The following COLGALT2 variants were observed in gnomAD, a reference collection of about 807,000 sequenced individuals.
COLGALT2 encodes procollagen galactosyltransferase 2.
COLGALT2 carries 49 observed loss-of-function variants against 73.4 expected under a neutral mutation model. The ratio of observed to expected loss-of-function variants is 0.67; its 90% confidence interval spans 0.53 to 0.85. The LOEUF (loss-of-function observed/expected upper bound fraction) is 0.85. Among genes scored for constraint, COLGALT2 ranks in the 40% least tolerant of loss-of-function variants. COLGALT2 has a pLI of 0.00. For missense variants in COLGALT2, 722 were observed against 790.2 expected (o/e 0.91, Z 1.03); for synonymous variants, 295 against 307.6 (o/e 0.96, Z 0.43).
chr1:183,935,944 G>A lies in COLGALT2; in HGVS notation c.*2817C>T. Reference sequence around the variant, plus strand: ...AGACAGATGATGCAGGGGAACGGGTGTCCACTCTTTCTTGTTCTCAGAGCT... The same window carrying A: ...AGACAGATGATGCAGGGGAACGGGTATCCACTCTTTCTTGTTCTCAGAGCT... On this transcript the variant is annotated 3_prime_UTR_variant, in exon 12 of 12. Coordinates refer to ENST00000361927, the MANE Select transcript of COLGALT2 (RefSeq NM_015101.4). 1.0e-6 allele frequency: 1 copy of A among 985,460 alleles called. No individual in the cohort carries two copies. The highest frequency in any genetic ancestry group is 1.2e-6 in the Non-Finnish European group (1 of 829,958). The allele number at this position is 985,460 out of a possible 1,614,324, so 61.0% of individuals were successfully genotyped here. A position where few individuals can be genotyped will look rare whatever the true frequency, so the allele number is the denominator to read the frequency against.
intron 1 of COLGALT2, among the ~76,000 whole-genome samples, chr1:183,997,005 G>C (rs1274771529): frequency 2.0e-5 from 3 of 152,166 alleles, no homozygotes; most frequent in East Asian, 1.9e-4. Context: ...ATGGACAAAT[G>C]AATAAATGAA....
intron 1 of COLGALT2, among the ~76,000 whole-genome samples, chr1:184,002,850 C>G (rs1301597912): frequency 6.6e-6 from 1 of 151,932 alleles, no homozygotes; most frequent in Non-Finnish European, 1.5e-5. Flanking sequence ...ATTTTTTTAA[C>G]CCAGCAATAC....
chr1:183,993,790 C>T (rs1407302570), intron 1 of COLGALT2, among the ~76,000 whole-genome samples: 1 of 150,614 alleles, frequency 6.6e-6, no homozygotes, highest in Non-Finnish European at 1.5e-5. Context: ...GAACATGTCG[C>T]TGTTAAAATT....
chr1:183,956,411 G>T (rs1286851849), intron 6 of COLGALT2, among the ~76,000 whole-genome samples: 1 of 152,126 alleles, frequency 6.6e-6, no homozygotes, highest in African/African-American at 2.4e-5. Flanking sequence ...GAATATTCTG[G>T]TCCTTTCTGC....
chr1:184,003,976 T>C (rs74130983), intron 1 of COLGALT2, among the ~76,000 whole-genome samples: 1,560 of 152,278 alleles, frequency 0.01, 24 homozygotes, highest in African/African-American at 0.036. Context: ...CTCCCACAAC[T>C]ATAGTATGTC....
At chr1:183,932,047 T>C (rs1424371065), downstream of COLGALT2, among the ~76,000 whole-genome samples, 1 of 152,116 alleles carries the variant, frequency 6.6e-6, no homozygotes, top group Non-Finnish European at 1.5e-5. Context: ...TATATGAGGT[T>C]TCACAGGGGA....
Position 183,937,453 on chromosome 1 carries a change from G to T in COLGALT2, c.*1308C>A. 1 of 985,986 alleles carries T rather than the reference G, an allele frequency of 1.0e-6. No individual in the cohort carries two copies. Among genetic ancestry groups the T allele is most frequent in the Non-Finnish European group, 1.2e-6 (1 of 830,332 alleles). The allele number at this position is 985,986 out of a possible 1,614,324, so 61.1% of individuals were successfully genotyped here. On this transcript the variant is annotated 3_prime_UTR_variant, in exon 12 of 12. Coordinates refer to ENST00000361927, the MANE Select transcript of COLGALT2 (RefSeq NM_015101.4). ...GTGAAGAAAGCAGAAAGGACTCTTA[G>T]GGGATATCTTTTGAGAAAGGGTGTC...
At chr1:183,970,957 A>C (rs143876948) in intron 4 of COLGALT2, among the ~76,000 whole-genome samples, 73 of 152,328 alleles carry the variant, frequency 4.8e-4, no homozygotes, top group African/African-American at 1.6e-3. Context: ...CTTGCGTCTA[A>C]TATAAAGTTC....
intron 1 of COLGALT2, among the ~76,000 whole-genome samples, chr1:184,020,973 A>G (rs533041553): frequency 4.2e-4 from 64 of 152,072 alleles, no homozygotes; most frequent in Non-Finnish European, 7.2e-4. Context: ...GGCATTCCCC[A>G]GAGCAAGCAA....
chr1:184,008,569 G>T (rs1926881), intron 1 of COLGALT2, among the ~76,000 whole-genome samples: 66,741 of 151,842 alleles, frequency 0.44, 19,462 homozygotes, highest in African/African-American at 0.82. Context: ...ACCTCCACAA[G>T]TTTTCTTTAA....
intron 1 of COLGALT2, among the ~76,000 whole-genome samples, chr1:183,992,576 G>C (rs1453852242): frequency 1.3e-5 from 2 of 152,186 alleles, no homozygotes; most frequent in Non-Finnish European, 2.9e-5. Flanking sequence ...ATGATTGATT[G>C]ACTGTCCTCT....
chr1:183,990,250 G>A (rs907039613), intron 1 of COLGALT2, among the ~76,000 whole-genome samples: 3 of 152,158 alleles, frequency 2.0e-5, no homozygotes, highest in Admixed American at 6.5e-5. Flanking sequence ...CATTCTTAAC[G>A]CTTAGAACAG....
chr1:183,994,618 C>A (rs1290409001), intron 1 of COLGALT2, among the ~76,000 whole-genome samples: 1 of 152,030 alleles, frequency 6.6e-6, no homozygotes, highest in Non-Finnish European at 1.5e-5. Context: ...CCATGCCCGG[C>A]CAATTTTTGT....
At chr1:183,981,920 G>C (rs187198959) in intron 1 of COLGALT2, among the ~76,000 whole-genome samples, 15 of 152,266 alleles carry the variant, frequency 9.9e-5, no homozygotes, top group Non-Finnish European at 7.4e-5. Flanking sequence ...TGTAACTTAA[G>C]CCATAGGGTG....
At chr1:184,026,109 C>T (rs1424820949) in intron 1 of COLGALT2, among the ~76,000 whole-genome samples, 1 of 152,170 alleles carries the variant, frequency 6.6e-6, no homozygotes, top group Non-Finnish European at 1.5e-5. Flanking sequence ...TCAAAGCAGC[C>T]TAGCATGAGC....
intron 6 of COLGALT2, among the ~76,000 whole-genome samples, chr1:183,962,716 A>G (rs1436220145): frequency 6.6e-6 from 1 of 152,116 alleles, no homozygotes; most frequent in East Asian, 1.9e-4. Context: ...GAAATGTCCA[A>G]AGTGGTCTCT....
At chr1:183,974,835 T>G (rs1671144705) in intron 3 of COLGALT2, among the ~76,000 whole-genome samples, 1 of 152,228 alleles carries the variant, frequency 6.6e-6, no homozygotes, top group Admixed American at 6.5e-5. Context: ...TGCAGAGTTC[T>G]TATGCCTGTT....
chr1:183,983,119 G>A (rs1187205380), intron 1 of COLGALT2, among the ~76,000 whole-genome samples: 2 of 152,320 alleles, frequency 1.3e-5, no homozygotes, highest in Middle Eastern at 3.4e-3. Context: ...TTAAAAAACT[G>A]TCTGTAGTGT....
chr1:183,987,180 A>T (rs1671511100), intron 1 of COLGALT2, among the ~76,000 whole-genome samples: 1 of 152,236 alleles, frequency 6.6e-6, no homozygotes, highest in South Asian at 2.1e-4. Flanking sequence ...AGTGTCTGAG[A>T]CAAGACAAAT....
Sources: gnomAD v4.1 joint callset for allele counts (sites outside exome capture counted in the v4.1 genomes callset) on GRCh38, gnomAD v4.1.1 for gene constraint, MANE v1.5 for transcripts, NCBI Gene and HGNC (gene_info 2026-07-23, HGNC 2026-07-21) for gene names.